Variants in GUCY1A2 observed in about 807,000 individuals in gnomAD.
GUCY1A2 encodes guanylate cyclase soluble subunit alpha-2.
Under a neutral mutation model 63.5 loss-of-function variants are expected in GUCY1A2, and 27 were observed. The ratio of observed to expected loss-of-function variants is 0.43; its 90% CI spans 0.31 to 0.59. The LOEUF (loss-of-function observed/expected upper bound fraction) is 0.59, where lower values mean the gene tolerates loss of function less well. Among genes scored for constraint, GUCY1A2 ranks in the 20% least tolerant of loss-of-function variants. The pLI, the probability that GUCY1A2 is intolerant of heterozygous loss-of-function variation, is 0.11. For synonymous variants in GUCY1A2, 364 were observed against 343.5 expected (o/e 1.06, Z -0.66); for missense variants, 768 against 913.3 (o/e 0.84, Z 2.05).
chr11:106,818,991 A>G (rs1858866972), intron 4 of GUCY1A2, among the ~76,000 whole-genome samples: 1 of 152,184 alleles, frequency 6.6e-6, no homozygotes, highest in Admixed American at 6.6e-5. Flanking sequence ...TGTCTTCAGC[A>G]TTAACAGTTT....
chr11:106,897,376 C>T (rs1860064940), intron 4 of GUCY1A2, among the ~76,000 whole-genome samples: 1 of 152,004 alleles, frequency 6.6e-6, no homozygotes, highest in Non-Finnish European at 1.5e-5. Flanking sequence ...AGGCAAAATA[C>T]TTGAAATATA....
intron 1 of GUCY1A2, among the ~76,000 whole-genome samples, chr11:106,995,560 A>G (rs1431482574): frequency 6.6e-6 from 1 of 152,214 alleles, no homozygotes; most frequent in Non-Finnish European, 1.5e-5. Context: ...CTGAACCTCA[A>G]TTTAATTTTC....
Position 106,686,650 on chromosome 11 carries a change from G to A in GUCY1A2, c.*899C>T, listed in dbSNP as rs1400451961. On this transcript the variant is annotated 3_prime_UTR_variant, in exon 8 of 8. Transcript: ENST00000526355. ...AGCTACCTATATTTGTAAGTGCTAA[G>A]TTGAAAAGGATCCAGTGTAGCAAAG... 1 of 215,584 alleles carries A rather than the reference G, an allele frequency of 4.6e-6. No individual in the cohort carries two copies. The highest frequency in any genetic ancestry group is 9.3e-6 in the Non-Finnish European group (1 of 106,966). 13.4% of individuals were successfully genotyped at this position (215,584 alleles called of 1,614,324 possible).
intron 6 of GUCY1A2, among the ~76,000 whole-genome samples, chr11:106,748,487 A>G (rs139992278): frequency 2.2e-3 from 332 of 152,244 alleles, no homozygotes; most frequent in Middle Eastern, 6.8e-3. Context: ...GGAGAACAGC[A>G]CCTCATTTTT....
chr11:106,782,525 A>G (rs1009839210), intron 5 of GUCY1A2, among the ~76,000 whole-genome samples: 3 of 152,102 alleles, frequency 2.0e-5, no homozygotes, highest in Non-Finnish European at 4.4e-5. Flanking sequence ...GGTTCTTAGA[A>G]AGGATGCCAT....
intron 7 of GUCY1A2, among the ~76,000 whole-genome samples, chr11:106,705,360 G>A (rs899142273): frequency 6.6e-6 from 1 of 151,934 alleles, no homozygotes; most frequent in Admixed American, 6.6e-5. Context: ...ATGCACCTTC[G>A]ACCAAATTAC....
At chr11:106,883,378 T>C (rs902356383) in intron 4 of GUCY1A2, among the ~76,000 whole-genome samples, 1 of 152,078 alleles carries the variant, frequency 6.6e-6, no homozygotes, top group Non-Finnish European at 1.5e-5. Context: ...TCTATGATAA[T>C]GTATTCATTC....
In GUCY1A2 at chr11:107,018,074, G is replaced by C; in HGVS notation, c.-19C>G. 1 of 1,417,902 alleles carries C rather than the reference G, an allele frequency of 7.1e-7. No homozygotes were observed. The allele number at this position is 1,417,902 out of a possible 1,614,324, so 87.8% of individuals were successfully genotyped here. On this transcript the variant is annotated 5_prime_UTR_variant, in exon 1 of 8. Transcript: ENST00000526355. ...GAGACATGCTGCCGGCGGAGCTGCA[G>C]CGGCCGAGGCGGTGGCGGCGAGGAC...
chr11:106,700,272 A>G (rs909272620), intron 7 of GUCY1A2, among the ~76,000 whole-genome samples: 14 of 152,172 alleles, frequency 9.2e-5, no homozygotes, highest in Non-Finnish European at 1.5e-5. Flanking sequence ...ATGGCCTTAA[A>G]TATGCTGGTA....
chr11:106,824,235 C>G, intron 4 of GUCY1A2: 4 of 982,008 alleles, frequency 4.1e-6, no homozygotes, highest in Non-Finnish European at 5.4e-6. Context: ...TATATTAAAG[C>G]CTATGGGATG....
At chr11:106,971,757 G>A (rs1490945218) in intron 3 of GUCY1A2, among the ~76,000 whole-genome samples, 1 of 152,112 alleles carries the variant, frequency 6.6e-6, no homozygotes, top group Non-Finnish European at 1.5e-5. Context: ...GGGCGTAGAA[G>A]CAAAACACCC....
intron 6 of GUCY1A2, among the ~76,000 whole-genome samples, chr11:106,754,863 G>A (rs1291735722): frequency 2.0e-5 from 3 of 152,146 alleles, no homozygotes; most frequent in Non-Finnish European, 4.4e-5. Flanking sequence ...GATGATGCTG[G>A]CCTCATAAAA....
chr11:106,797,265 C>G (rs1489974589), intron 5 of GUCY1A2, among the ~76,000 whole-genome samples: 3 of 152,138 alleles, frequency 2.0e-5, no homozygotes, highest in African/African-American at 7.2e-5. Context: ...AAGCCTTCTT[C>G]TCTCAACTCA....
intron 6 of GUCY1A2, among the ~76,000 whole-genome samples, chr11:106,712,143 A>G (rs1255454897): frequency 6.6e-6 from 1 of 152,012 alleles, no homozygotes; most frequent in East Asian, 1.9e-4. Flanking sequence ...AGAGATTCCA[A>G]TTACACATAT....
chr11:106,746,471 A>T (rs913515987), intron 6 of GUCY1A2: 1 of 706,764 alleles, frequency 1.4e-6, no homozygotes, highest in Non-Finnish European at 2.4e-6. Flanking sequence ...AATAAGGATT[A>T]TACTCAAGGA....
intron 4 of GUCY1A2, among the ~76,000 whole-genome samples, chr11:106,898,551 T>C (rs1860082879): frequency 6.6e-6 from 1 of 152,126 alleles, no homozygotes. Context: ...CATGAAAAGA[T>C]AAGCAGAAAA....
rs939018476 is a variant in GUCY1A2, at chr11:106,677,399, A to C, written c.*10150T>G. 4.8e-6 allele frequency: 1 copy of C among 209,184 alleles called. No individual in the cohort carries two copies. Among genetic ancestry groups the C allele is most frequent in the Non-Finnish European group, 9.7e-6 (1 of 102,752 alleles). The allele number at this position is 209,184 out of a possible 1,614,324, so 13.0% of individuals were successfully genotyped here. A position where few individuals can be genotyped will look rare whatever the true frequency, so the allele number is the denominator to read the frequency against. Reference sequence around the variant, plus strand: ...CCACACTTGATATTTGGACTCTTGCATGGTTTCTCATTAGCACAAAAAATA... The same window carrying C: ...CCACACTTGATATTTGGACTCTTGCCTGGTTTCTCATTAGCACAAAAAATA... On this transcript the variant is annotated 3_prime_UTR_variant, in exon 8 of 8. Coordinates refer to ENST00000526355, the MANE Select transcript of GUCY1A2 (RefSeq NM_000855.3).
intron 7 of GUCY1A2, among the ~76,000 whole-genome samples, chr11:106,706,946 A>C (rs561502404): frequency 6.6e-6 from 1 of 152,236 alleles, no homozygotes; most frequent in South Asian, 2.1e-4. Flanking sequence ...GAGAAGTTTA[A>C]AAGATGCAAA....
chr11:106,975,738 A>G (rs1345938022), intron 3 of GUCY1A2, among the ~76,000 whole-genome samples: 1 of 152,226 alleles, frequency 6.6e-6, no homozygotes, highest in Non-Finnish European at 1.5e-5. Context: ...ATCTGGAAGC[A>G]GTTCTTTCCC....
Sources: allele counts gnomAD v4.1 joint callset (sites outside exome capture counted in the v4.1 genomes callset), GRCh38; gene constraint gnomAD v4.1.1; transcripts MANE v1.5; gene names NCBI Gene and HGNC (gene_info 2026-07-23, HGNC 2026-07-21).